GRIN2C: variants seen among roughly 807,000 people sequenced by gnomAD.
The protein encoded by GRIN2C is glutamate receptor ionotropic, NMDA 2C.
In GRIN2C, 64 loss-of-function variants were observed where a neutral mutation model predicts 77.7. The ratio of observed to expected loss-of-function variants is 0.82; its 90% confidence interval spans 0.67 to 1.01. The LOEUF (loss-of-function observed/expected upper bound fraction) is 1.01. GRIN2C is among the 50% of genes least tolerant of loss of function. The pLI is 0.00. For missense variants in GRIN2C, 1,549 were observed against 1,486.0 expected (o/e 1.04, Z -0.70); for synonymous variants, 792 against 643.4 (o/e 1.23, Z -3.49).
In GRIN2C at chr17:74,852,463, C is replaced by G; in HGVS notation, c.548G>C (p.Arg183Pro). The change falls in exon 3 of 13, where the codon CGC becomes CCC. Residue 183 changes from arginine to proline, a missense_variant. Physicochemically the swap from Arg to Pro is moderately radical, Grantham distance 103. This residue lies in a region of GRIN2C where 382 missense variants were observed against 360.0 expected (regional missense o/e 1.06). Transcript: ENST00000293190. ...PGHALFLEGV[R>P]AVADASHVSW... ...CACGTGGCTGGCGTCGGCGACGGCG[C>G]GCACGCCCTCCAGGAAGAGCGCGTG... The G allele has an allele frequency of 6.4e-7, 1 of 1,552,294 alleles. No homozygotes were observed. Among genetic ancestry groups the G allele is most frequent in the African/African-American group, 1.4e-5 (1 of 70,756 alleles).
chr17:74,843,094 G>A lies in GRIN2C; in HGVS notation c.3043C>T (p.Leu1015Phe). ...GACAGGGGCCGCTCGGAGGCCGAGA[G>A]GTGCCTCCCGCAGTGCCCGGTCCGC... Reference protein sequence around the residue: ...PVRTGHCGRHLSASERPLSPA... With the variant: ...PVRTGHCGRHFSASERPLSPA... Residue 1015 changes from leucine to phenylalanine, a missense_variant, in exon 13 of 13, where the codon CTC (leucine) becomes TTC (phenylalanine). Physicochemically the swap from Leu to Phe is conservative, Grantham distance 22. This residue lies in a region of GRIN2C where 450 missense variants were observed against 267.9 expected (regional missense o/e 1.68). Coordinates refer to ENST00000293190, the MANE Select transcript of GRIN2C (RefSeq NM_000835.6). The A allele has an allele frequency of 2.2e-6, 1 of 455,090 alleles. No homozygotes were observed. Among genetic ancestry groups the A allele is most frequent in the South Asian group, 4.1e-5 (1 of 24,404 alleles). 28.2% of individuals were successfully genotyped at this position (455,090 alleles called of 1,614,324 possible). A position where few individuals can be genotyped will look rare whatever the true frequency, so the allele number is the denominator to read the frequency against.
rs1436787952 is a variant in GRIN2C, at chr17:74,859,412, G to A, written c.-16+332C>T. On this transcript the variant is annotated intron_variant, in intron 1 of 12. Transcript: ENST00000293190. The surrounding 1 kb of genome is among the most constrained non-coding windows in gnomAD (Gnocchi z 5.9). ...CATGCACACTCCCGCACTCATACCC[G>A]CTCACATCTGAGATACCGATGGCTC... is the stretch of plus-strand genomic sequence containing the variant. 6.6e-6 allele frequency among the ~76,000 whole-genome samples: 1 copy of A among 151,840 alleles called. No individual in the cohort carries two copies. Among genetic ancestry groups the A allele is most frequent in the Non-Finnish European group, 1.5e-5 (1 of 67,954 alleles).
rs1332630913 is a variant in GRIN2C at position 74,843,513 on chromosome 17, C to G, written c.2624G>C (p.Ser875Thr). The part of the protein sequence containing the change: ...SCFSGVQSLA[S>T]PPRQASPDLT... ...GTCCGGGCTGGCCTGCCGCGGTGGG[C>G]TGGCGAGGCTCTGCACCCCGCTGAA... The change falls in exon 13 of 13, where the codon AGC (serine) becomes ACC (threonine). Residue 875 changes from serine (S) to threonine (T), a missense_variant. This residue lies in a region of GRIN2C where 450 missense variants were observed against 267.9 expected (regional missense o/e 1.68). Coordinates refer to ENST00000293190, the MANE Select transcript of GRIN2C (RefSeq NM_000835.6). The G allele has an allele frequency of 2.6e-6, 4 of 1,533,458 alleles. No homozygotes were observed. The highest frequency in any genetic ancestry group is 3.5e-6 in the Non-Finnish European group (4 of 1,146,454). The allele number at this position is 1,533,458 out of a possible 1,614,324, so 95.0% of individuals were successfully genotyped here. A position where few individuals can be genotyped will look rare whatever the true frequency, so the allele number is the denominator to read the frequency against.
intron 1 of GRIN2C, among the ~76,000 whole-genome samples, chr17:74,857,335 T>C (rs1598498820): frequency 1.3e-5 from 2 of 152,064 alleles, no homozygotes; most frequent in East Asian, 3.9e-4. Flanking sequence ...AAGTGCCAGG[T>C]GGTAGAATTT....
chr17:74,852,486 G>T lies in GRIN2C; in HGVS notation c.525C>A (p.His175Gln), dbSNP rs758066029. 2.6e-6 allele frequency: 4 copies of T among 1,566,560 alleles called. No individual in the cohort carries two copies. In the Admixed American group the frequency reaches 7.1e-5, roughly 28 times the overall value. The change falls in exon 3 of 13, where the codon CAC (histidine) becomes CAA (glutamine). Residue 175 changes from histidine (H) to glutamine (Q), a missense_variant. By Grantham distance (24) the His-to-Gln change is conservative (BLOSUM62 0). Around this residue, in one of 3 missense-constraint regions of GRIN2C, gnomAD observed 382 missense variants for 360.0 expected, o/e 1.06. Coordinates refer to ENST00000293190, the MANE Select transcript of GRIN2C (RefSeq NM_000835.6). ...FAVITSLHPG[H>Q]ALFLEGVRAV... ...CGCGCACGCCCTCCAGGAAGAGCGC[G>T]TGGCCCGGGTGCAGGCTGGTGATGA...
rs1055116802 is a variant in GRIN2C, at chr17:74,844,143, A to G, written c.2583+133T>C. The G allele has an allele frequency of 6.2e-6, 9 of 1,454,760 alleles. No homozygotes were observed. In the African/African-American group the frequency reaches 1.3e-4, roughly 21 times the overall value. The allele number at this position is 1,454,760 out of a possible 1,614,324, so 90.1% of individuals were successfully genotyped here. On this transcript the variant is annotated intron_variant, in intron 12 of 12. Coordinates refer to ENST00000293190, the MANE Select transcript of GRIN2C (RefSeq NM_000835.6). ...CTGGCCTAAGCCTCTCAAAGTGTTGAGATTACAGGTGTGAGCCATGAGCCG... is the reference window on the plus strand; with the variant it reads ...CTGGCCTAAGCCTCTCAAAGTGTTGGGATTACAGGTGTGAGCCATGAGCCG...
rs1457604332 is a variant in GRIN2C at position 74,850,690 on chromosome 17, C to T, written c.1191G>A (p.Val397=). ...WPRYSASLQP[V]VDSRHLTVAT... is the part of the protein sequence containing the mutation. The stretch of plus-strand genomic sequence containing the variant: ...CCACCGTCAGGTGCCGACTGTCCAC[C>T]ACAGGCTGCAGAGAGGCACTGTAGC... The change falls in exon 5 of 13, where the codon GTG becomes GTA. Residue 397 remains valine (V), a synonymous_variant. Coordinates refer to ENST00000293190, the MANE Select transcript of GRIN2C (RefSeq NM_000835.6). The surrounding 1 kb of genome is among the most constrained non-coding windows in gnomAD (Gnocchi z 5.3). The T allele has an allele frequency of 6.2e-7, 1 of 1,613,546 alleles. No homozygotes were observed. The highest frequency in any genetic ancestry group is 8.5e-7 in the Non-Finnish European group (1 of 1,180,026).
rs949361839 is a variant in GRIN2C, at chr17:74,850,597, G to A, written c.1284C>T (p.Pro428=). ...TCTGCCTGCGGCAGGGCACGGTGTT[G>A]GGGACACAGCCTCCTGTGCCAGGGT... The part of the protein sequence containing the change: ...SPDPGTGGCV[P]NTVPCRRQSN... The change falls in exon 5 of 13, where the codon CCC becomes CCT. Residue 428 remains proline, a synonymous_variant. Coordinates refer to ENST00000293190, the MANE Select transcript of GRIN2C (RefSeq NM_000835.6). This position sits in a 1 kb window ranked among gnomAD's most constrained non-coding sequence, Gnocchi z 5.3. 6.2e-7 allele frequency: 1 copy of A among 1,613,540 alleles called. No individual in the cohort carries two copies. Among genetic ancestry groups the A allele is most frequent in the Middle Eastern group, 1.6e-4 (1 of 6,062 alleles).
intron 4 of GRIN2C, chr17:74,851,096 C>T: frequency 2.5e-6 from 1 of 399,390 alleles, no homozygotes; most frequent in Admixed American, 3.8e-5. Context: ...TCCAGGCTAG[C>T]ACCTCTTCCT....
chr17:74,851,415 C>A, intron 4 of GRIN2C, 162 bp downstream of exon 4: 1 of 588,478 alleles, frequency 1.7e-6, no homozygotes, highest in Non-Finnish European at 3.1e-6. Context: ...CCCCGGGGCA[C>A]CTGGAGGCTT....
upstream of GRIN2C, chr17:74,860,373 G>A (rs562871379): frequency 2.2e-6 from 1 of 455,858 alleles, no homozygotes; most frequent in East Asian, 7.0e-5. Context: ...AGTCCCCTTG[G>A]ACGACCAGGG....
intron 2 of GRIN2C, 96 bp from the exon 3 acceptor site, chr17:74,852,707 T>C: frequency 1.9e-6 from 1 of 539,892 alleles, no homozygotes; most frequent in South Asian, 3.4e-5. Flanking sequence ...CCAGGCGCCC[T>C]TGCGCCGGCG....
chr17:74,849,985 C>T lies in GRIN2C; in HGVS notation c.1492-52G>A. On this transcript the variant is annotated intron_variant, in intron 6 of 12. Transcript: ENST00000293190. This position sits in a 1 kb window ranked among gnomAD's most constrained non-coding sequence, Gnocchi z 4.6. ...GAAAAAGGGGCTCCCGTGGGGTGGA[C>T]ACGCTGCACAGGCACCTCCAGACAC... 1.3e-6 allele frequency: 2 copies of T among 1,567,976 alleles called. No homozygotes were observed. The highest frequency in any genetic ancestry group is 1.7e-6 in the Non-Finnish European group (2 of 1,153,472).
intron 1 of GRIN2C, among the ~76,000 whole-genome samples, chr17:74,858,596 C>T (rs1194773207): frequency 3.4e-5 from 5 of 145,314 alleles, no homozygotes; most frequent in African/African-American, 1.3e-4. Context: ...CCTCCCTTGC[C>T]TCCCCCTCCC....
At position 74,844,501 on chromosome 17, in the gene GRIN2C, T is replaced by G. The variant is rs761985013; in HGVS notation, c.2358A>C (p.Thr786=). ...ALLQFLGDGE[T]QKLETVWLSG... The stretch of plus-strand genomic sequence containing the variant: ...AGAGCCACACTGTCTCCAGTTTCTG[T>G]GTCTCTCCTGGAGTTGGGGGGTGTA... The change falls in exon 12 of 13, where the codon ACA becomes ACC. Residue 786 remains threonine (T), a synonymous_variant. Coordinates refer to ENST00000293190, the MANE Select transcript of GRIN2C (RefSeq NM_000835.6). The G allele has an allele frequency of 4.3e-6, 7 of 1,613,894 alleles. No homozygotes were observed. Among genetic ancestry groups the G allele is most frequent in the Non-Finnish European group, 5.1e-6 (6 of 1,179,908 alleles).
chr17:74,848,116 G>A (rs922184444), intron 7 of GRIN2C, 139 bp from the exon 8 acceptor site: 1 of 860,394 alleles, frequency 1.2e-6, no homozygotes, highest in Middle Eastern at 3.0e-4. Flanking sequence ...GGGGGCCTCT[G>A]ACTCAGAGCA....
In GRIN2C at chr17:74,859,258, G is replaced by T. The variant is rs970193109; in HGVS notation, c.-16+486C>A. Among the ~76,000 whole-genome samples, 51 of 152,284 alleles carry T rather than the reference G, an allele frequency of 3.3e-4. No homozygotes were observed. The highest frequency in any genetic ancestry group is 1.2e-3 in the African/African-American group (51 of 41,560). On this transcript the variant is annotated intron_variant, in intron 1 of 12. Transcript: ENST00000293190. This position sits in a 1 kb window ranked among gnomAD's most constrained non-coding sequence, Gnocchi z 5.9. ...GAGATCCCCAAAGAGCCCCAGAGAG[G>T]ATGGCAGTGGTCAGTCCTGCAGGAC... is the stretch of plus-strand genomic sequence containing the variant.
At position 74,852,182 on chromosome 17, in the gene GRIN2C, C is replaced by T. The variant is rs1326254628; in HGVS notation, c.829G>A (p.Val277Ile). Residue 277 changes from valine (V) to isoleucine (I), a missense_variant, in exon 3 of 13, where the codon GTC (valine) becomes ATC (isoleucine). Coordinates refer to ENST00000293190, the MANE Select transcript of GRIN2C (RefSeq NM_000835.6). ...AGGCTGAGGCGCCAGCTCTCGGTGA[C>T]GACGCTGATGAGGCCCACGGGGAAG... ...ATFPVGLISV[V>I]TESWRLSLRQ... The T allele has an allele frequency of 2.7e-6, 4 of 1,456,780 alleles. No individual in the cohort carries two copies. The highest frequency in any genetic ancestry group is 3.6e-6 in the Non-Finnish European group (4 of 1,106,570). 90.2% of individuals were successfully genotyped at this position (1,456,780 alleles called of 1,614,324 possible). A position where few individuals can be genotyped will look rare whatever the true frequency, so the allele number is the denominator to read the frequency against.
intron 11 of GRIN2C, among the ~76,000 whole-genome samples, chr17:74,844,743 C>T (rs1040775616): frequency 6.6e-6 from 1 of 152,084 alleles, no homozygotes; most frequent in Non-Finnish European, 1.5e-5. Flanking sequence ...GTGGGCAATG[C>T]TGGCCTTTGG....
Sources: allele counts gnomAD v4.1 joint callset (sites outside exome capture counted in the v4.1 genomes callset), GRCh38; gene constraint gnomAD v4.1.1; regional missense constraint gnomAD v4.1.1; non-coding constraint Gnocchi (gnomAD v3.1); transcripts MANE v1.5; gene names NCBI Gene and HGNC (gene_info 2026-07-23, HGNC 2026-07-21).